LSS: variants seen among roughly 807,000 people sequenced by gnomAD.
The protein encoded by LSS is 2,3-epoxysqualene-lanosterol cyclase.
A neutral mutation model predicts 110.3 loss-of-function variants in LSS; 90 were observed. The observed-to-expected ratio is 0.82, with a 90% CI of 0.69 to 0.97. The LOEUF is 0.97. LSS is among the 50% of genes least tolerant of loss of function. LSS has a pLI of 0.00. For missense variants in LSS, 927 were observed against 990.0 expected (o/e 0.94, Z 0.85); for synonymous variants, 433 against 400.0 (o/e 1.08, Z -0.98).
intron 2 of LSS, 87 bp downstream of exon 2, chr21:46,228,347 C>T (rs2080382525): frequency 6.8e-7 from 1 of 1,469,478 alleles, no homozygotes; most frequent in Non-Finnish European, 9.1e-7. Flanking sequence ...CCGGGTCCTC[C>T]CACCCGCCTT....
At chr21:46,211,227 C>T (rs1022050969) in intron 11 of LSS, among the ~76,000 whole-genome samples, 3 of 152,204 alleles carry the variant, frequency 2.0e-5, no homozygotes, top group East Asian at 1.9e-4. Flanking sequence ...CCTGGGTTCA[C>T]GCCATTCTCC....
intron 8 of LSS, 88 bp from the exon 9 acceptor site, chr21:46,215,386 C>G: frequency 2.6e-6 from 2 of 766,756 alleles, no homozygotes; most frequent in Non-Finnish European, 3.8e-6. Context: ...TGGACTTGCC[C>G]TTCCCAGGGT....
chr21:46,227,385 T>C, intron 3 of LSS, 167 bp downstream of exon 3: 1 of 782,184 alleles, frequency 1.3e-6, no homozygotes, highest in Non-Finnish European at 2.0e-6. Context: ...GCTGATCCCC[T>C]AGACCAATAG....
At chr21:46,208,105 C>A in intron 14 of LSS, 146 bp downstream of exon 14, 1 of 693,962 alleles carries the variant, frequency 1.4e-6, no homozygotes, top group South Asian at 1.8e-5. Flanking sequence ...AGCCCCTAGG[C>A]CAGGCATCCA....
chr21:46,209,040 T>G lies in LSS; in HGVS notation c.1266+514A>C, dbSNP rs2080092167. The stretch of plus-strand genomic sequence containing the variant: ...GGTTGGGGCGCATGTATGGGATGAC[T>G]GTGGCTGCAGACTGGGGTGCAGGCA... On this transcript the variant is annotated intron_variant, in intron 13 of 21. Transcript: ENST00000397728. The surrounding 1 kb of genome is among the most constrained non-coding windows in gnomAD (Gnocchi z 4.4). Among the ~76,000 whole-genome samples, 1 of 152,136 alleles carries G rather than the reference T, an allele frequency of 6.6e-6. No individual in the cohort carries two copies. Among genetic ancestry groups the G allele is most frequent in the Non-Finnish European group, 1.5e-5 (1 of 68,016 alleles).
intron 6 of LSS, among the ~76,000 whole-genome samples, chr21:46,217,283 A>ACTGTAGGT (rs71187305): frequency 0.28 from 41,781 of 150,030 alleles, 6,753 homozygotes; most frequent in Admixed American, 0.39. Context: ...GAAAAAAGAA[A>ACTGTAGGT]CTGTAGGTCT....
At chr21:46,223,943 C>CG (rs2080307872) in intron 3 of LSS, among the ~76,000 whole-genome samples, 3 of 152,158 alleles carry the variant, frequency 2.0e-5, no homozygotes, top group African/African-American at 7.2e-5. Flanking sequence ...TCCCTTTCCC[C>CG]GGGGGAATTT....
Position 46,213,791 on chromosome 21 carries a change from C to T in LSS, c.1056G>A (p.Gly352=), listed in dbSNP as rs866169227. 5.6e-6 allele frequency: 9 copies of T among 1,614,048 alleles called. No homozygotes were observed. The Middle Eastern group carries it at 1.2e-3, about 207-fold the overall frequency. The change falls in exon 10 of 22, where the codon GGG becomes GGA. Residue 352 remains glycine (G), a synonymous_variant. Transcript: ENST00000397728. ...GCTCCTGGAAGGCAGTGGAGGCGGG[C>T]CCGTCCACATACCAGCGCACAAGCA... The part of the protein sequence containing the change: ...INMLVRWYVD[G]PASTAFQEHV...
At chr21:46,207,797 C>G (rs752973642) in intron 14 of LSS, among the ~76,000 whole-genome samples, 3 of 150,798 alleles carry the variant, frequency 2.0e-5, no homozygotes, top group Non-Finnish European at 4.4e-5. Flanking sequence ...CTCACACCCT[C>G]AACACCTGCA....
Position 46,210,861 on chromosome 21 carries a change from G to C in LSS, c.1138-117C>G, listed in dbSNP as rs534515754. 8 of 935,688 alleles carry C rather than the reference G, an allele frequency of 8.5e-6. No individual in the cohort carries two copies. In the African/African-American group the frequency reaches 1.3e-4, roughly 15 times the overall value. The allele number at this position is 935,688 out of a possible 1,614,324, so 58.0% of individuals were successfully genotyped here. On this transcript the variant is annotated intron_variant, in intron 11 of 21. Coordinates refer to ENST00000397728, the MANE Select transcript of LSS (RefSeq NM_002340.6). ...GTGTGGGGGCTCCCACCCAGCCAACGCTCAGCCTCAGGCTCTGAGCCCTGG... is the reference window on the plus strand; with the variant it reads ...GTGTGGGGGCTCCCACCCAGCCAACCCTCAGCCTCAGGCTCTGAGCCCTGG...
chr21:46,216,268 A>G lies in LSS; in HGVS notation c.783+121T>C. The G allele has an allele frequency of 2.4e-6, 3 of 1,257,330 alleles. No individual in the cohort carries two copies. Among genetic ancestry groups the G allele is most frequent in the Non-Finnish European group, 3.4e-6 (3 of 878,284 alleles). 77.9% of individuals were successfully genotyped at this position (1,257,330 alleles called of 1,614,324 possible). On this transcript the variant is annotated intron_variant, in intron 7 of 21. Coordinates refer to ENST00000397728, the MANE Select transcript of LSS (RefSeq NM_002340.6). The surrounding 1 kb of genome is among the most constrained non-coding windows in gnomAD (Gnocchi z 4.2). ...GAGGAAGGTGGAGGCTCTGCTCCAC[A>G]GGGCTCTCCGCTCCACAGGGCCACC...
Position 46,209,977 on chromosome 21 carries a change from C to T in LSS, c.1195-352G>A, listed in dbSNP as rs1399442078. Among the ~76,000 whole-genome samples, 2 of 152,242 alleles carry T rather than the reference C, an allele frequency of 1.3e-5. No homozygotes were observed. The highest frequency in any genetic ancestry group is 4.8e-5 in the African/African-American group (2 of 41,528). On this transcript the variant is annotated intron_variant, in intron 12 of 21. Transcript: ENST00000397728. The surrounding 1 kb of genome is among the most constrained non-coding windows in gnomAD (Gnocchi z 4.4). ...CTCCAGAAACACCTTCAGAATCCCA[C>T]CTACCTCATTCCCACCGGCATAAAA...
At chr21:46,208,366 G>T (rs557035255) in intron 13 of LSS, 65 bp from the exon 14 acceptor site, 3 of 1,372,266 alleles carry the variant, frequency 2.2e-6, no homozygotes, top group East Asian at 5.0e-5. Context: ...CCCCATCTGG[G>T]ACATCGCTGA....
chr21:46,194,803 T>A (rs909710885), intron 19 of LSS, 142 bp from the exon 20 acceptor site: 5 of 736,054 alleles, frequency 6.8e-6, no homozygotes, highest in African/African-American at 1.8e-5. Flanking sequence ...GGGCCACTAC[T>A]GAAACCCGAG....
At chr21:46,222,884 C>T (rs903249068) in intron 3 of LSS, 146 bp from the exon 4 acceptor site, 17 of 648,674 alleles carry the variant, frequency 2.6e-5, no homozygotes, top group South Asian at 1.8e-4. Context: ...TCCTCCCAGG[C>T]CCCCATGGGG....
chr21:46,217,609 G>C (rs571628747), intron 6 of LSS, among the ~76,000 whole-genome samples: 6 of 152,240 alleles, frequency 3.9e-5, no homozygotes, highest in South Asian at 4.1e-4. Flanking sequence ...GTTCAGGTCT[G>C]TGGTCCTCCT....
Position 46,195,770 on chromosome 21 carries a change from G to A in LSS, c.1737-14C>T. On this transcript the variant is annotated splice_polypyrimidine_tract_variant and intron_variant, in intron 18 of 21. Transcript: ENST00000397728. Reference sequence around the variant, plus strand: ...ACTCCCCAGGAGCTGGAGGGAAACAGGGAGAGCCTCAGCCCTTCCACCCTG... The same window carrying A: ...ACTCCCCAGGAGCTGGAGGGAAACAAGGAGAGCCTCAGCCCTTCCACCCTG... The A allele has an allele frequency of 6.2e-7, 1 of 1,610,492 alleles. No homozygotes were observed.
At chr21:46,206,034 C>T in intron 16 of LSS, 93 bp from the exon 17 acceptor site, 1 of 998,448 alleles carries the variant, frequency 1.0e-6, no homozygotes, top group Non-Finnish European at 1.5e-6. Context: ...AAGAGTGTTG[C>T]AGTGAGCCCG....
At chr21:46,228,707 A>C (rs2080391305) in intron 1 of LSS, 25 bp downstream of exon 1, 2 of 1,602,528 alleles carry the variant, frequency 1.2e-6, no homozygotes, top group Admixed American at 1.7e-5. Context: ...CGCATTCGTC[A>C]GGAGCCCGGG....
Sources: allele counts gnomAD v4.1 joint callset (sites outside exome capture counted in the v4.1 genomes callset), GRCh38; gene constraint gnomAD v4.1.1; non-coding constraint Gnocchi (gnomAD v3.1); transcripts MANE v1.5; gene names NCBI Gene and HGNC (gene_info 2026-07-23, HGNC 2026-07-21).